TRAF2: variants seen among roughly 807,000 people sequenced by gnomAD.
TRAF2 encodes the protein TNF receptor associated factor 2.
In TRAF2, 6 loss-of-function variants were observed where a neutral mutation model predicts 55.6. The ratio of observed to expected loss-of-function variants is 0.11; its 90% CI spans 0.06 to 0.21. The LOEUF (loss-of-function observed/expected upper bound fraction) is 0.21, where lower values mean the gene tolerates loss of function less well. Among genes scored for constraint, TRAF2 ranks in the 10% least tolerant of loss-of-function variants. The pLI, the probability that TRAF2 is intolerant of heterozygous loss-of-function variation, is 1.00. For missense variants in TRAF2, 561 were observed against 684.5 expected (o/e 0.82, Z 2.01); for synonymous variants, 329 against 276.3 (o/e 1.19, Z -1.89).
intron 4 of TRAF2, among the ~76,000 whole-genome samples, chr9:136,905,613 TTGAAG>T (rs1849929482): frequency 1.3e-5 from 2 of 152,256 alleles, no homozygotes; most frequent in African/African-American, 2.4e-5. Context: ...TTTATCATGA[TTGAAG>T]AAACAGCAGA....
intron 7 of TRAF2, among the ~76,000 whole-genome samples, chr9:136,919,199 TAC>T (rs970541666): frequency 6.6e-6 from 1 of 151,658 alleles, no homozygotes; most frequent in African/African-American, 2.4e-5. Flanking sequence ...TAGCTGGAAT[TAC>T]AGACATGTGC....
chr9:136,918,266 A>AT (rs1339521238), intron 7 of TRAF2, among the ~76,000 whole-genome samples: 9 of 15,726 alleles, frequency 5.7e-4, no homozygotes, highest in African/African-American at 1.8e-3. Flanking sequence ...TATTTATTTA[A>AT]TTAATTAATT....
rs768060446 is a variant in TRAF2 at position 136,924,114 on chromosome 9, G to C, written c.1287+114G>C. On this transcript the variant is annotated intron_variant, in intron 10 of 10. Transcript: ENST00000247668. ...AAGGTGGCTTGGGCTCGCTGGACCAGGTGTCTGCAGCAGGCACGTCACCCT... is the reference window on the plus strand; with the variant it reads ...AAGGTGGCTTGGGCTCGCTGGACCACGTGTCTGCAGCAGGCACGTCACCCT... 4.6e-4 allele frequency: 613 copies of C among 1,324,316 alleles called. 1 individual carries two copies. Among genetic ancestry groups the C allele is most frequent in the Non-Finnish European group, 5.6e-4 (547 of 975,256 alleles). The allele number at this position is 1,324,316 out of a possible 1,614,324, so 82.0% of individuals were successfully genotyped here.
chr9:136,890,081 C>T (rs1051465527), intron 1 of TRAF2, among the ~76,000 whole-genome samples: 1 of 148,340 alleles, frequency 6.7e-6, no homozygotes, highest in Non-Finnish European at 1.5e-5. Flanking sequence ...GTGTGTGAGT[C>T]CCCACCGCAC....
Position 136,925,974 on chromosome 9 carries a change from G to GC in TRAF2, c.*75dup. ...GCTCACGGAGGGGCCACCACGCTGG[G>GC]CCAGGGTCTCACTGTACAAGTGGGC... On this transcript the variant is annotated 3_prime_UTR_variant, in exon 11 of 11. Coordinates refer to ENST00000247668, the MANE Select transcript of TRAF2 (RefSeq NM_021138.4). 1 of 1,558,556 alleles carries GC rather than the reference G, an allele frequency of 6.4e-7. No homozygotes were observed. The highest frequency in any genetic ancestry group is 8.8e-7 in the Non-Finnish European group (1 of 1,136,766).
chr9:136,890,109 C>T (rs1178332732), intron 1 of TRAF2, among the ~76,000 whole-genome samples: 1 of 139,364 alleles, frequency 7.2e-6, no homozygotes, highest in Non-Finnish European at 1.5e-5. Flanking sequence ...CAGCCGGTCA[C>T]CGCGTGTGAG....
intron 9 of TRAF2, among the ~76,000 whole-genome samples, chr9:136,923,247 T>C (rs1479468727): frequency 2.0e-5 from 3 of 152,156 alleles, no homozygotes; most frequent in Admixed American, 2.0e-4. Flanking sequence ...AACCACTGCA[T>C]TTAGTGGATC....
chr9:136,898,759 A>G lies in TRAF2; in HGVS notation c.19A>G (p.Thr7Ala). The change falls in exon 2 of 11, where the codon ACC (threonine) becomes GCC (alanine). Residue 7 changes from threonine to alanine, a missense_variant. This residue lies in a region of TRAF2 where 426 missense variants were observed against 476.8 expected (regional missense o/e 0.89). Transcript: ENST00000247668. ...AGCTCTCATGGCTGCAGCTAGCGTGACCCCCCCTGGCTCCCTGGAGTTGCT... is the reference window on the plus strand; with the variant it reads ...AGCTCTCATGGCTGCAGCTAGCGTGGCCCCCCCTGGCTCCCTGGAGTTGCT... MAAASV[T>A]PPGSLELLQP... The G allele has an allele frequency of 2.5e-6, 4 of 1,612,198 alleles. No homozygotes were observed. Among genetic ancestry groups the G allele is most frequent in the Non-Finnish European group, 3.4e-6 (4 of 1,179,722 alleles).
upstream of TRAF2, among the ~76,000 whole-genome samples, chr9:136,884,221 TA>T (rs1849406567): frequency 6.6e-6 from 1 of 151,750 alleles, no homozygotes; most frequent in Non-Finnish European, 1.5e-5. Context: ...GTGCTGGGAT[TA>T]CAGGCATGAG....
chr9:136,919,523 G>A (rs1307769239), intron 7 of TRAF2, among the ~76,000 whole-genome samples: 4 of 151,764 alleles, frequency 2.6e-5, no homozygotes, highest in Non-Finnish European at 5.9e-5. Flanking sequence ...TCGAACTCCC[G>A]ACCTCAGGTG....
At chr9:136,916,233 C>G (rs996821442) in intron 6 of TRAF2, among the ~76,000 whole-genome samples, 1 of 150,384 alleles carries the variant, frequency 6.6e-6, no homozygotes, top group East Asian at 2.2e-4. Context: ...GCCTCAGCAC[C>G]GCATGTCCTG....
chr9:136,925,574 G>A (rs1291459307), intron 10 of TRAF2, 109 bp from the exon 11 acceptor site: 2 of 1,151,018 alleles, frequency 1.7e-6, no homozygotes, highest in African/African-American at 3.1e-5. Context: ...CTCTGGCCTG[G>A]GTCCTGGGAT....
upstream of TRAF2, chr9:136,886,247 C>A (rs890695792): frequency 1.2e-4 from 33 of 273,604 alleles, no homozygotes; most frequent in Non-Finnish European, 1.7e-4. Context: ...CGCCCCGGCG[C>A]GCTCTTTGAG....
intron 6 of TRAF2, among the ~76,000 whole-genome samples, chr9:136,911,390 G>A (rs567960754): frequency 2.0e-5 from 3 of 151,070 alleles, no homozygotes; most frequent in Non-Finnish European, 2.9e-5. Flanking sequence ...TCAGCTTCCC[G>A]AGTAGCTGGG....
intron 1 of TRAF2, 79 bp downstream of exon 1, chr9:136,886,620 C>G: frequency 1.1e-6 from 1 of 949,126 alleles, no homozygotes; most frequent in Non-Finnish European, 1.2e-6. Flanking sequence ...GGGTCGGGCG[C>G]AGGCGCGGGC....
intron 1 of TRAF2, among the ~76,000 whole-genome samples, chr9:136,888,582 GT>G (rs901439274): frequency 6.6e-6 from 1 of 152,244 alleles, no homozygotes; most frequent in African/African-American, 2.4e-5. Flanking sequence ...CGAGGCCTGG[GT>G]TGAACCCAAG....
chr9:136,893,783 T>TGCA (rs1849627281), intron 1 of TRAF2, among the ~76,000 whole-genome samples: 1 of 152,192 alleles, frequency 6.6e-6, no homozygotes, highest in Non-Finnish European at 1.5e-5. Flanking sequence ...GGAGTCTCAC[T>TGCA]GCAATGCGCA....
Position 136,926,232 on chromosome 9 carries a change from G to T in TRAF2, c.*331G>T. 4.4e-6 allele frequency: 2 copies of T among 452,896 alleles called. No homozygotes were observed. The highest frequency in any genetic ancestry group is 3.0e-5 in the Admixed American group (1 of 33,232). 28.1% of individuals were successfully genotyped at this position (452,896 alleles called of 1,614,324 possible). On this transcript the variant is annotated 3_prime_UTR_variant, in exon 11 of 11. Transcript: ENST00000247668. Reference sequence around the variant, plus strand: ...AGAGGCCCTGGGTGGGGGACACTCAGAGTGGGAGCACATCCCAGCAGTGCC... The same window carrying T: ...AGAGGCCCTGGGTGGGGGACACTCATAGTGGGAGCACATCCCAGCAGTGCC...
At chr9:136,900,011 C>G (rs924924196) in intron 3 of TRAF2, among the ~76,000 whole-genome samples, 4 of 152,016 alleles carry the variant, frequency 2.6e-5, no homozygotes, top group African/African-American at 7.3e-5. Flanking sequence ...ACCAGAAATA[C>G]AAAAAATTAG....
Sources: allele counts gnomAD v4.1 joint callset (sites outside exome capture counted in the v4.1 genomes callset), GRCh38; gene constraint gnomAD v4.1.1; regional missense constraint gnomAD v4.1.1; transcripts MANE v1.5; gene names NCBI Gene and HGNC (gene_info 2026-07-23, HGNC 2026-07-21).